TSPEAR: variants seen among roughly 807,000 people sequenced by gnomAD.
TSPEAR encodes the protein thrombospondin-type laminin G domain and EAR repeat-containing protein.
TSPEAR carries 69 observed loss-of-function variants against 71.6 expected under a neutral mutation model. The ratio of observed to expected loss-of-function variants is 0.96; its 90% CI spans 0.79 to 1.18. The LOEUF (loss-of-function observed/expected upper bound fraction) is 1.18. Among genes scored for constraint, TSPEAR ranks in the 50% most tolerant of loss-of-function variants. The pLI is 0.00. For synonymous variants in TSPEAR, 402 were observed against 387.2 expected, an observed-to-expected ratio of 1.04 and a Z score of -0.45; for missense variants, 971 against 894.9, an observed-to-expected ratio of 1.09 and a Z score of -1.09.
In TSPEAR at chr21:44,607,152, T is replaced by C. The variant is rs1981365649; in HGVS notation, c.83-39147A>G. On this transcript the variant is annotated intron_variant, in intron 1 of 11. Coordinates refer to ENST00000323084, the MANE Select transcript of TSPEAR (RefSeq NM_144991.3). ...GACTGGAGTGCAGTGGCACAATAGC[T>C]CACTGCAACCTCCGCCTCCCGGGTT... Among the ~76,000 whole-genome samples the C allele has an allele frequency of 2.0e-5, 3 of 152,342 alleles. No individual in the cohort carries two copies. In the South Asian group the frequency reaches 6.2e-4, roughly 32 times the overall value.
At chr21:44,638,845 G>A (rs1226491645) in intron 1 of TSPEAR, among the ~76,000 whole-genome samples, 1 of 149,856 alleles carries the variant, frequency 6.7e-6, no homozygotes, top group African/African-American at 2.5e-5. Context: ...CCCAGGCCTG[G>A]GGTAGACCAC....
At chr21:44,509,407 G>T in intron 9 of TSPEAR, 21 bp from the exon 10 acceptor site, 1 of 1,604,106 alleles carries the variant, frequency 6.2e-7, no homozygotes, top group Non-Finnish European at 8.5e-7. Context: ...AGGAGAGCAG[G>T]TGCAGAGGTG....
At chr21:44,690,789 T>G (rs1987092202) in intron 1 of TSPEAR, among the ~76,000 whole-genome samples, 1 of 152,214 alleles carries the variant, frequency 6.6e-6, no homozygotes, top group African/African-American at 2.4e-5. Flanking sequence ...TGTCTGTTTG[T>G]TTATAGAGAA....
At chr21:44,592,171 C>A in intron 1 of TSPEAR, 1 of 1,581,982 alleles carries the variant, frequency 6.3e-7, no homozygotes, top group East Asian at 2.3e-5. Context: ...GGCCTGCTGG[C>A]AGGGGGAGGA....
Position 44,638,976 on chromosome 21 carries a change from G to A in TSPEAR, c.83-70971C>T, listed in dbSNP as rs1421480923. ...CTCCACAGTAAGACATTGGGACCAC[G>A]CCCTCCCCCAGGACTCGAGCCCAGC... On this transcript the variant is annotated intron_variant, in intron 1 of 11. Coordinates refer to ENST00000323084, the MANE Select transcript of TSPEAR (RefSeq NM_144991.3). Among the ~76,000 whole-genome samples the A allele has an allele frequency of 3.9e-5, 6 of 151,934 alleles. 1 individual carries two copies. The highest frequency in any genetic ancestry group is 7.3e-5 in the African/African-American group (3 of 41,342).
intron 9 of TSPEAR, among the ~76,000 whole-genome samples, chr21:44,521,501 G>A (rs1197229483): frequency 1.3e-5 from 2 of 152,228 alleles, no homozygotes; most frequent in Non-Finnish European, 1.5e-5. Context: ...CAGGGCCAGG[G>A]CCCTGACGAC....
chr21:44,524,566 GGTA>G (rs1450731120), intron 8 of TSPEAR, among the ~76,000 whole-genome samples: 5 of 151,936 alleles, frequency 3.3e-5, no homozygotes, highest in African/African-American at 1.2e-4. Flanking sequence ...GATGTAGTCA[GGTA>G]GTCAGTCAAT....
intron 1 of TSPEAR, 22 bp from the exon 2 acceptor site, chr21:44,568,027 TG>T: frequency 2.7e-6 from 4 of 1,499,872 alleles, no homozygotes; most frequent in Middle Eastern, 2.0e-4. Context: ...AAATCACAGG[TG>T]GGTTAGGCCA....
rs184711638 is a variant in TSPEAR, at chr21:44,639,174, T to G, written c.83-71169A>C. On this transcript the variant is annotated intron_variant, in intron 1 of 11. Coordinates refer to ENST00000323084, the MANE Select transcript of TSPEAR (RefSeq NM_144991.3). ...CCCTTTTGGTCCCGTGGTCCTGGAC[T>G]CTGACCCCGAGGACCCTGTCCCCGC... 4.8e-3 allele frequency among the ~76,000 whole-genome samples: 731 copies of G among 152,222 alleles called. 23 individuals carry two copies. Among genetic ancestry groups the G allele is most frequent in the Admixed American group, 0.043 (653 of 15,300 alleles).
intron 1 of TSPEAR, among the ~76,000 whole-genome samples, chr21:44,571,959 C>G (rs1247944082): frequency 6.6e-6 from 1 of 152,222 alleles, no homozygotes; most frequent in Admixed American, 6.5e-5. Context: ...CCCGGAGGGG[C>G]ACCAGCACTG....
chr21:44,500,530 A>C (rs2052011202), intron 11 of TSPEAR, among the ~76,000 whole-genome samples: 1 of 152,244 alleles, frequency 6.6e-6, no homozygotes, highest in South Asian at 2.1e-4. Flanking sequence ...GTTTACATTT[A>C]ATATTAAATA....
rs1291261371 is a variant in TSPEAR at position 44,612,648 on chromosome 21, C to A, written c.83-44643G>T. ...TGCTGTGTGCCTGTCTGCTCTGGGGCTTCCTCTCTGTGCTGCCAGAAGTCT... is the reference window on the plus strand; with the variant it reads ...TGCTGTGTGCCTGTCTGCTCTGGGGATTCCTCTCTGTGCTGCCAGAAGTCT... On this transcript the variant is annotated intron_variant, in intron 1 of 11. Coordinates refer to ENST00000323084, the MANE Select transcript of TSPEAR (RefSeq NM_144991.3). This position sits in a 1 kb window ranked among gnomAD's most constrained non-coding sequence, Gnocchi z 4.1. The A allele has an allele frequency of 6.2e-7, 1 of 1,613,182 alleles. No individual in the cohort carries two copies. Among genetic ancestry groups the A allele is most frequent in the Admixed American group, 1.7e-5 (1 of 59,932 alleles).
intron 1 of TSPEAR, among the ~76,000 whole-genome samples, chr21:44,633,415 G>T (rs1429468069): frequency 2.0e-5 from 3 of 151,888 alleles, no homozygotes; most frequent in African/African-American, 4.8e-5. Flanking sequence ...CATAAGTTTT[G>T]GTTTGTTATA....
chr21:44,551,219 G>A, intron 2 of TSPEAR: 1 of 1,590,630 alleles, frequency 6.3e-7, no homozygotes, highest in Non-Finnish European at 8.6e-7. Context: ...TAGACTGCTG[G>A]CAGCACGAGG....
intron 2 of TSPEAR, chr21:44,558,570 G>A: frequency 2.5e-6 from 4 of 1,612,326 alleles, no homozygotes; most frequent in Non-Finnish European, 3.4e-6. Context: ...ACAGCTCACT[G>A]GGGTGCAGAC....
chr21:44,630,485 T>C (rs1479956714), intron 1 of TSPEAR, among the ~76,000 whole-genome samples: 4 of 152,184 alleles, frequency 2.6e-5, no homozygotes, highest in Non-Finnish European at 5.9e-5. Context: ...ATAAGGGCAT[T>C]GGAAGATTCC....
rs184535480 is a variant in TSPEAR at position 44,598,033 on chromosome 21, T to C, written c.83-30028A>G. Among the ~76,000 whole-genome samples, 11 of 152,332 alleles carry C rather than the reference T, an allele frequency of 7.2e-5. No individual in the cohort carries two copies. In the East Asian group the frequency reaches 2.1e-3, roughly 29 times the overall value. ...AGGCAAGGCTTCTCTTCAAACAGGC[T>C]GCTCAACCTTTTGTTCTTTAATTCC... is the stretch of plus-strand genomic sequence containing the variant. On this transcript the variant is annotated intron_variant, in intron 1 of 11. Coordinates refer to ENST00000323084, the MANE Select transcript of TSPEAR (RefSeq NM_144991.3).
chr21:44,607,094 T>C (rs1981361616), intron 1 of TSPEAR, among the ~76,000 whole-genome samples: 1 of 152,220 alleles, frequency 6.6e-6, no homozygotes, highest in Non-Finnish European at 1.5e-5. Flanking sequence ...TTGTTTTGTT[T>C]TGTTTTTTAG....
chr21:44,630,377 C>G (rs1039487422), intron 1 of TSPEAR, among the ~76,000 whole-genome samples: 1 of 152,070 alleles, frequency 6.6e-6, no homozygotes, highest in African/African-American at 2.4e-5. Flanking sequence ...GGCAAATGAA[C>G]CAGTCACTGC....
Sources: gnomAD v4.1 joint callset for allele counts (sites outside exome capture counted in the v4.1 genomes callset) on GRCh38, gnomAD v4.1.1 for gene constraint, Gnocchi (gnomAD v3.1) non-coding constraint, MANE v1.5 for transcripts, NCBI Gene and HGNC (gene_info 2026-07-23, HGNC 2026-07-21) for gene names.